Variants in CNTN6 observed in about 807,000 individuals in gnomAD.
The protein encoded by CNTN6 is contactin-6.
A neutral mutation model predicts 122.8 loss-of-function variants in CNTN6; 137 were observed. The observed-to-expected ratio is 1.12, with a 90% CI of 0.97 to 1.29. The LOEUF (loss-of-function observed/expected upper bound fraction) is 1.29, where lower values mean the gene tolerates loss of function less well. Among genes scored for constraint, CNTN6 ranks in the 50% most tolerant of loss-of-function variants. CNTN6 has a pLI of 0.00. For synonymous variants in CNTN6, 570 were observed against 426.0 expected (o/e 1.34, Z -4.16); for missense variants, 1,634 against 1,223.4 (o/e 1.34, Z -5.01).
chr3:1,188,212 T>G (rs1221819925), intron 2 of CNTN6, among the ~76,000 whole-genome samples: 1 of 152,184 alleles, frequency 6.6e-6, no homozygotes, highest in Non-Finnish European at 1.5e-5. Flanking sequence ...CAATGGCTAG[T>G]CTGCATCCCC....
At chr3:1,142,229 C>G (rs956673947) in intron 1 of CNTN6, among the ~76,000 whole-genome samples, 8 of 140,714 alleles carry the variant, frequency 5.7e-5, no homozygotes, top group African/African-American at 2.1e-4. Flanking sequence ...AAAAAAAAAA[C>G]ATGATTATTC....
intron 4 of CNTN6, among the ~76,000 whole-genome samples, chr3:1,234,483 G>A (rs2094396807): frequency 1.3e-5 from 2 of 151,958 alleles, no homozygotes; most frequent in South Asian, 4.1e-4. Flanking sequence ...AAATATAAAA[G>A]CAGTTATATG....
intron 5 of CNTN6, among the ~76,000 whole-genome samples, chr3:1,290,761 T>C (rs1049273954): frequency 4.6e-5 from 7 of 152,198 alleles, no homozygotes; most frequent in African/African-American, 1.7e-4. Flanking sequence ...CCATATAGGG[T>C]AACTTTCTGA....
intron 4 of CNTN6, among the ~76,000 whole-genome samples, chr3:1,274,992 G>T (rs986738385): frequency 6.6e-6 from 1 of 152,050 alleles, no homozygotes. Flanking sequence ...TGAAAAATTT[G>T]AAACCAGCAC....
chr3:1,336,348 C>T (rs374462527), intron 11 of CNTN6, among the ~76,000 whole-genome samples: 69 of 151,800 alleles, frequency 4.5e-4, no homozygotes, highest in East Asian at 3.5e-3. Context: ...TCACAATTGT[C>T]ACCGATTATA....
chr3:1,387,638 C>G (rs1026065726), intron 20 of CNTN6, among the ~76,000 whole-genome samples: 1 of 152,184 alleles, frequency 6.6e-6, no homozygotes, highest in African/African-American at 2.4e-5. Context: ...TTCTGCATTT[C>G]CATCTGAGGT....
chr3:1,365,011 G>C (rs1708009429), intron 12 of CNTN6, among the ~76,000 whole-genome samples: 2 of 151,928 alleles, frequency 1.3e-5, no homozygotes, highest in Non-Finnish European at 2.9e-5. Context: ...TAGTTCTTAT[G>C]ATTTCAGAAA....
intron 4 of CNTN6, among the ~76,000 whole-genome samples, chr3:1,230,968 A>T (rs1260674055): frequency 6.6e-6 from 1 of 152,052 alleles, no homozygotes; most frequent in Non-Finnish European, 1.5e-5. Context: ...TGATGTGCCA[A>T]CCCCCAGCTA....
chr3:1,336,516 C>T (rs545250257), intron 11 of CNTN6, among the ~76,000 whole-genome samples: 7 of 152,180 alleles, frequency 4.6e-5, no homozygotes, highest in African/African-American at 7.2e-5. Flanking sequence ...TTGAAATGAG[C>T]GGACAGCTGG....
At chr3:1,384,125 G>A (rs182349265) in intron 19 of CNTN6, among the ~76,000 whole-genome samples, 4 of 152,312 alleles carry the variant, frequency 2.6e-5, no homozygotes, top group Admixed American at 6.5e-5. Context: ...AGATGAGTAA[G>A]CTCTAAAGAT....
chr3:1,166,998 C>T (rs891501132), intron 2 of CNTN6, among the ~76,000 whole-genome samples: 5 of 151,190 alleles, frequency 3.3e-5, no homozygotes, highest in African/African-American at 1.2e-4. Flanking sequence ...ACATGTATAC[C>T]TGTGTAACAA....
chr3:1,351,193 A>G (rs1354882877), intron 11 of CNTN6, among the ~76,000 whole-genome samples: 1 of 151,916 alleles, frequency 6.6e-6, no homozygotes, highest in Non-Finnish European at 1.5e-5. Context: ...GTTGGCTGGT[A>G]TTCTCTGTGT....
intron 4 of CNTN6, among the ~76,000 whole-genome samples, chr3:1,255,708 CTA>C (rs2094746070): frequency 6.6e-6 from 1 of 152,012 alleles, no homozygotes; most frequent in African/African-American, 2.4e-5. Flanking sequence ...AGGTCTCACT[CTA>C]TTGCCCAGCT....
At chr3:1,100,761 T>G (rs1000246599) in intron 1 of CNTN6, among the ~76,000 whole-genome samples, 1 of 152,180 alleles carries the variant, frequency 6.6e-6, no homozygotes, top group Non-Finnish European at 1.5e-5. Flanking sequence ...ATAATTTATA[T>G]TGCTCTTTTA....
intron 4 of CNTN6, among the ~76,000 whole-genome samples, chr3:1,238,161 T>C (rs572548544): frequency 7.0e-4 from 107 of 152,202 alleles, no homozygotes; most frequent in African/African-American, 2.6e-3. Context: ...TAAACGAGAA[T>C]TCTCCAATAA....
At chr3:1,287,571 G>C (rs1260457536) in intron 5 of CNTN6, among the ~76,000 whole-genome samples, 1 of 152,158 alleles carries the variant, frequency 6.6e-6, no homozygotes, top group Non-Finnish European at 1.5e-5. Context: ...AGCTGGCTAT[G>C]AGATAAGAGT....
chr3:1,161,423 A>T (rs535262392), intron 2 of CNTN6, among the ~76,000 whole-genome samples: 3 of 151,070 alleles, frequency 2.0e-5, no homozygotes, highest in Non-Finnish European at 4.4e-5. Context: ...ATGAAAATCA[A>T]TTGACTTATG....
chr3:1,403,323 A>G lies in CNTN6; in HGVS notation c.2992A>G (p.Ser998Gly), dbSNP rs757883155. 6.3e-7 allele frequency: 1 copy of G among 1,599,984 alleles called. No homozygotes were observed. Among genetic ancestry groups the G allele is most frequent in the Non-Finnish European group, 8.5e-7 (1 of 1,171,418 alleles). The change falls in exon 23 of 23, where the codon AGT becomes GGT. Residue 998 changes from serine to glycine, a missense_variant. Ser to Gly is a moderately conservative substitution (Grantham distance 56). Coordinates refer to ENST00000446702, the MANE Select transcript of CNTN6 (RefSeq NM_001289080.2). ...CTTATTTTTATATTTTGCAGGTTTG[A>G]GTTCCAGAGGAATTCAATTCTTAGA... ...EIRIPKMSSL[S>G]SRGIQFLEPS...
intron 5 of CNTN6, among the ~76,000 whole-genome samples, chr3:1,293,511 G>A (rs17037254): frequency 0.069 from 10,449 of 152,126 alleles, 1,207 homozygotes; most frequent in African/African-American, 0.24. Context: ...TCCCAGCTGA[G>A]GAAGCCTACC....
Sources: allele counts gnomAD v4.1 joint callset (sites outside exome capture counted in the v4.1 genomes callset), GRCh38; gene constraint gnomAD v4.1.1; transcripts MANE v1.5; gene names NCBI Gene and HGNC (gene_info 2026-07-23, HGNC 2026-07-21).